The following SLC25A16 variants were observed in gnomAD, a reference collection of about 807,000 sequenced individuals.
SLC25A16 encodes mitochondrial coenzyme A transporter SLC25A16.
In SLC25A16, 39 loss-of-function variants were observed where a neutral mutation model predicts 41.5. The observed-to-expected ratio is 0.94, with a 90% CI of 0.73 to 1.23. The LOEUF (loss-of-function observed/expected upper bound fraction) is 1.23, where lower values mean the gene tolerates loss of function less well. Ranked by LOEUF, SLC25A16 falls within the 50% of genes most tolerant of loss-of-function variation. The pLI, the probability that SLC25A16 is intolerant of heterozygous loss-of-function variation, is 0.00. For missense variants in SLC25A16, 421 were observed against 426.9 expected (o/e 0.99, Z 0.12); for synonymous variants, 146 against 147.8 (o/e 0.99, Z 0.09).
At position 68,493,489 on chromosome 10, in the gene SLC25A16, T is replaced by C. The variant is rs1271028509; in HGVS notation, c.503A>G (p.Tyr168Cys). 1 of 1,613,462 alleles carries C rather than the reference T, an allele frequency of 6.2e-7. No individual in the cohort carries two copies. Among genetic ancestry groups the C allele is most frequent in the African/African-American group, 1.3e-5 (1 of 75,032 alleles). ...TTTGAAAGCATGAATAATTCCTGTA[T>C]AGCTGTGTTCCCCTTTCACCTGGAA... ...LAFQVKGEHS[Y>C]TGIIHAFKTI... Residue 168 changes from tyrosine (Y) to cysteine (C), a missense_variant, in exon 5 of 9, where the codon TAT becomes TGT. Coordinates refer to ENST00000609923, the MANE Select transcript of SLC25A16 (RefSeq NM_152707.4).
In SLC25A16 at chr10:68,478,670, C is replaced by T. The variant is rs184203820; in HGVS notation, c.*4762G>A. 7 of 151,648 alleles carry T rather than the reference C, an allele frequency of 4.6e-5. No homozygotes were observed. The highest frequency in any genetic ancestry group is 1.4e-4 in the African/African-American group (6 of 41,474). The allele number at this position is 151,648 out of a possible 1,614,324, so 9.4% of individuals were successfully genotyped here. ...CTAGAATTACAGACATGAGTCACTT[C>T]ACCCAGCCATAAAAACTATTTATAA... is the stretch of plus-strand genomic sequence containing the variant. On this transcript the variant is annotated 3_prime_UTR_variant, in exon 9 of 9. Coordinates refer to ENST00000609923, the MANE Select transcript of SLC25A16 (RefSeq NM_152707.4).
At chr10:68,483,862 C>T (rs10998220) in intron 8 of SLC25A16, among the ~76,000 whole-genome samples, 16,666 of 152,050 alleles carry the variant, frequency 0.11, 1,102 homozygotes, top group South Asian at 0.25. Context: ...CGGGGTTTCT[C>T]CATGTTGCCC....
In SLC25A16 at chr10:68,480,622, G is replaced by C. The variant is rs58790726; in HGVS notation, c.*2810C>G. The C allele has an allele frequency of 0.31, 46,320 of 150,454 alleles. 8,629 individuals carry two copies. The highest frequency in any genetic ancestry group is 0.42 in the Non-Finnish European group (28,640 of 67,786). 9.3% of individuals were successfully genotyped at this position (150,454 alleles called of 1,614,324 possible). On this transcript the variant is annotated 3_prime_UTR_variant, in exon 9 of 9. Coordinates refer to ENST00000609923, the MANE Select transcript of SLC25A16 (RefSeq NM_152707.4). ...AGTGATTCTCCTGTCTCAGCCTCCTGAGTAACTGGGACTACAGGTGCGTGC... is the reference window on the plus strand; with the variant it reads ...AGTGATTCTCCTGTCTCAGCCTCCTCAGTAACTGGGACTACAGGTGCGTGC...
rs1045852924 is a variant in SLC25A16 at position 68,479,276 on chromosome 10, C to A, written c.*4156G>T. 1 of 152,242 alleles carries A rather than the reference C, an allele frequency of 6.6e-6. No individual in the cohort carries two copies. The highest frequency in any genetic ancestry group is 1.5e-5 in the Non-Finnish European group (1 of 68,070). 9.4% of individuals were successfully genotyped at this position (152,242 alleles called of 1,614,324 possible). ...CCACTCTGACGCCATACCCTGTGCT[C>A]CCTGCCCTTGAAGGAACCAGATATT... On this transcript the variant is annotated 3_prime_UTR_variant, in exon 9 of 9. Coordinates refer to ENST00000609923, the MANE Select transcript of SLC25A16 (RefSeq NM_152707.4).
rs10219034 is a variant in SLC25A16, at chr10:68,504,173, C to T, written c.358-478G>A. 3.6e-3 allele frequency among the ~76,000 whole-genome samples: 542 copies of T among 151,428 alleles called. 4 individuals carry two copies. Among genetic ancestry groups the T allele is most frequent in the African/African-American group, 0.013 (517 of 41,288 alleles). On this transcript the variant is annotated intron_variant, in intron 3 of 8. Coordinates refer to ENST00000609923, the MANE Select transcript of SLC25A16 (RefSeq NM_152707.4). ...CTGGGACTACAGCCGTGTGCCATTA[C>T]GCCCGGCTAATTTTTTATTTTTTAG...
chr10:68,503,205 TAC>T (rs1316846927), intron 4 of SLC25A16: 2 of 153,274 alleles, frequency 1.3e-5, no homozygotes, highest in South Asian at 2.1e-4. Context: ...CACAGTCAGT[TAC>T]AGTTTTCTTT....
At chr10:68,521,926 T>C (rs6480337) in intron 1 of SLC25A16, among the ~76,000 whole-genome samples, 151,141 of 151,752 alleles carry the variant, frequency 1, 75,267 homozygotes, top group Middle Eastern at 1. Context: ...TTTGGGATGC[T>C]GAGGTGGGCA....
At chr10:68,496,460 T>C in intron 4 of SLC25A16, 1 of 984,136 alleles carries the variant, frequency 1.0e-6, no homozygotes, top group South Asian at 4.7e-5. Context: ...AACAGCTTTC[T>C]TCTTCCCTCA....
At chr10:68,485,338 C>T (rs1389091751) in intron 8 of SLC25A16, among the ~76,000 whole-genome samples, 1 of 152,110 alleles carries the variant, frequency 6.6e-6, no homozygotes, top group South Asian at 2.1e-4. Flanking sequence ...GATCCTCCCG[C>T]GTCAGCCTCC....
chr10:68,505,240 T>A (rs2133553202), intron 3 of SLC25A16, among the ~76,000 whole-genome samples: 2 of 152,116 alleles, frequency 1.3e-5, no homozygotes, highest in Admixed American at 1.3e-4. Context: ...TGCCAGTTAC[T>A]CAGGAGGCTG....
intron 6 of SLC25A16, among the ~76,000 whole-genome samples, chr10:68,490,072 G>A (rs926447749): frequency 6.6e-6 from 1 of 152,096 alleles, no homozygotes; most frequent in African/African-American, 2.4e-5. Flanking sequence ...ACCAGCCTGG[G>A]TAATATAGTG....
chr10:68,510,428 G>T (rs1315424893), intron 2 of SLC25A16, among the ~76,000 whole-genome samples: 1 of 151,922 alleles, frequency 6.6e-6, no homozygotes, highest in Non-Finnish European at 1.5e-5. Context: ...TGTACTCCCA[G>T]CTACTCGGGA....
intron 2 of SLC25A16, among the ~76,000 whole-genome samples, chr10:68,509,875 G>A (rs949033291): frequency 4.0e-5 from 6 of 151,544 alleles, no homozygotes; most frequent in African/African-American, 1.2e-4. Context: ...GGCAGATCAC[G>A]AAGTCAGGAG....
intron 6 of SLC25A16, among the ~76,000 whole-genome samples, chr10:68,492,653 G>T (rs560439895): frequency 3.9e-5 from 6 of 152,026 alleles, no homozygotes; most frequent in African/African-American, 1.4e-4. Flanking sequence ...TTGCACTCCA[G>T]CTTGGGCAAC....
chr10:68,504,441 T>C (rs1172902868), intron 3 of SLC25A16, among the ~76,000 whole-genome samples: 1 of 137,674 alleles, frequency 7.3e-6, no homozygotes, highest in East Asian at 2.0e-4. Context: ...GTGTTTTTTT[T>C]GTTTTTTTTT....
rs865854631 is a variant in SLC25A16, at chr10:68,512,580, A to G, written c.223+4171T>C. ...CGTGAACCCGGGAGGCGGAGCTTGCAGTGAGCCGAGATCCCGCCACTGCAC... is the reference window on the plus strand; with the variant it reads ...CGTGAACCCGGGAGGCGGAGCTTGCGGTGAGCCGAGATCCCGCCACTGCAC... On this transcript the variant is annotated intron_variant, in intron 2 of 8. Coordinates refer to ENST00000609923, the MANE Select transcript of SLC25A16 (RefSeq NM_152707.4). Among the ~76,000 whole-genome samples, 99 of 82,038 alleles carry G rather than the reference A, an allele frequency of 1.2e-3. 16 individuals are homozygous for G. Among genetic ancestry groups the G allele is most frequent in the African/African-American group, 5.3e-3 (92 of 17,322 alleles). The allele number at this position is 82,038 out of a possible 152,430, so 53.8% of individuals were successfully genotyped here.
At chr10:68,516,368 G>A (rs745934997) in intron 2 of SLC25A16, among the ~76,000 whole-genome samples, 4 of 152,028 alleles carry the variant, frequency 2.6e-5, no homozygotes, top group Admixed American at 1.3e-4. Context: ...CACAAGGGAA[G>A]GAGAAAGTAA....
intron 2 of SLC25A16, among the ~76,000 whole-genome samples, chr10:68,511,023 G>C (rs1182617693): frequency 6.6e-6 from 1 of 152,152 alleles, no homozygotes; most frequent in Non-Finnish European, 1.5e-5. Context: ...CAGAACACGA[G>C]GTCAGGAGGT....
At chr10:68,500,948 GATA>G (rs1422348106) in intron 4 of SLC25A16, among the ~76,000 whole-genome samples, 3 of 148,550 alleles carry the variant, frequency 2.0e-5, no homozygotes, top group African/African-American at 7.5e-5. Context: ...GAAGAAAAAA[GATA>G]ATTACAAAGT....
Sources: allele counts gnomAD v4.1 joint callset (sites outside exome capture counted in the v4.1 genomes callset), GRCh38; gene constraint gnomAD v4.1.1; transcripts MANE v1.5; gene names NCBI Gene and HGNC (gene_info 2026-07-23, HGNC 2026-07-21).